PLPP3: variants seen among roughly 807,000 people sequenced by gnomAD.
PLPP3 encodes the protein PAP2 beta.
PLPP3 carries 6 observed loss-of-function variants against 29.6 expected under a neutral mutation model. The ratio of observed to expected loss-of-function variants is 0.20; its 90% CI spans 0.11 to 0.40. PLPP3 has a LOEUF of 0.40. Among genes scored for constraint, PLPP3 ranks in the 10% least tolerant of loss-of-function variants. The pLI is 1.00. For missense variants in PLPP3, 308 were observed against 407.7 expected (o/e 0.76, Z 2.11); for synonymous variants, 152 against 159.7 (o/e 0.95, Z 0.36).
chr1:56,568,215 G>GT (rs1184507393), intron 1 of PLPP3, among the ~76,000 whole-genome samples: 1 of 151,992 alleles, frequency 6.6e-6, no homozygotes, highest in African/African-American at 2.4e-5. Flanking sequence ...AAAATTGGTT[G>GT]TGGTGATAGT....
intron 2 of PLPP3, among the ~76,000 whole-genome samples, chr1:56,535,020 T>G (rs1023987619): frequency 2.6e-5 from 4 of 152,204 alleles, no homozygotes; most frequent in Non-Finnish European, 5.9e-5. Context: ...GGCTGTCACT[T>G]CACCATTTTT....
At chr1:56,520,625 A>T (rs1163450017) in intron 4 of PLPP3, among the ~76,000 whole-genome samples, 2 of 118,804 alleles carry the variant, frequency 1.7e-5, no homozygotes, top group Non-Finnish European at 3.9e-5. Context: ...ACACTTTGGG[A>T]GGCTGAGGTG....
In PLPP3 at chr1:56,495,470, T is replaced by C. The variant is rs190739990; in HGVS notation, c.*1081A>G. 7.2e-5 allele frequency: 11 copies of C among 152,812 alleles called. 1 individual carries two copies. Among genetic ancestry groups the C allele is most frequent in the African/African-American group, 2.4e-4 (10 of 41,596 alleles). The allele number at this position is 152,812 out of a possible 1,614,324, so 9.5% of individuals were successfully genotyped here. On this transcript the variant is annotated 3_prime_UTR_variant, in exon 6 of 6. Coordinates refer to ENST00000371250, the MANE Select transcript of PLPP3 (RefSeq NM_003713.5). ...GCTCAACCCCAAGACAATAGTGCTT[T>C]ACACAGCAAGAGCAACTCCTACAAA... is the stretch of plus-strand genomic sequence containing the variant.
At chr1:56,506,506 A>T (rs1437361126) in intron 5 of PLPP3, among the ~76,000 whole-genome samples, 3 of 152,180 alleles carry the variant, frequency 2.0e-5, no homozygotes, top group Non-Finnish European at 4.4e-5. Context: ...AAACCAGGAA[A>T]GACTCTGCTG....
intron 4 of PLPP3, among the ~76,000 whole-genome samples, chr1:56,514,464 C>G (rs1645767715): frequency 6.6e-6 from 1 of 152,062 alleles, no homozygotes; most frequent in Non-Finnish European, 1.5e-5. Context: ...ACAAGGAGGG[C>G]CTAGTTCACG....
At chr1:56,545,615 T>C (rs1283568220) in intron 1 of PLPP3, among the ~76,000 whole-genome samples, 2 of 152,196 alleles carry the variant, frequency 1.3e-5, no homozygotes, top group Non-Finnish European at 2.9e-5. Context: ...GTGGGAACCC[T>C]GCCATATATT....
In PLPP3 at chr1:56,579,353, AGCGAGTGGGCAGC is replaced by A; in HGVS notation, c.-350_-338del. ...TGGCGCGCGTCTGAGTGCGCGAGCG[AGCGAGTGGGCAGC>A]GCGGGCGCTCGGCCACCTTCCTCCG... On this transcript the variant is annotated 5_prime_UTR_variant, in exon 1 of 6. Coordinates refer to ENST00000371250, the MANE Select transcript of PLPP3 (RefSeq NM_003713.5). 1 of 291,676 alleles carries A rather than the reference AGCGAGTGGGCAGC, an allele frequency of 3.4e-6. No individual in the cohort carries two copies. Among genetic ancestry groups the A allele is most frequent in the Non-Finnish European group, 6.4e-6 (1 of 156,402 alleles). 18.1% of individuals were successfully genotyped at this position (291,676 alleles called of 1,614,324 possible).
Position 56,579,040 on chromosome 1 carries a change from C to G in PLPP3, c.-24G>C. 4 of 1,577,572 alleles carry G rather than the reference C, an allele frequency of 2.5e-6. No individual in the cohort carries two copies. Among genetic ancestry groups the G allele is most frequent in the Non-Finnish European group, 3.4e-6 (4 of 1,166,402 alleles). ...ATGGCGCTGGCTGCGGCGCGAGCCT[C>G]CCGCCCCGCGAAGACGTCCCGCAAC... On this transcript the variant is annotated 5_prime_UTR_variant, in exon 1 of 6. Coordinates refer to ENST00000371250, the MANE Select transcript of PLPP3 (RefSeq NM_003713.5).
At chr1:56,509,666 C>T (rs1203479353) in intron 5 of PLPP3, among the ~76,000 whole-genome samples, 2 of 151,946 alleles carry the variant, frequency 1.3e-5, no homozygotes, top group East Asian at 3.9e-4. Context: ...ACAGTGAAAC[C>T]CCATCTCTAC....
intron 2 of PLPP3, among the ~76,000 whole-genome samples, chr1:56,535,726 C>T (rs1645922292): frequency 6.6e-6 from 1 of 152,152 alleles, no homozygotes; most frequent in African/African-American, 2.4e-5. Flanking sequence ...GGAGGAGACA[C>T]ATGAACTCTA....
intron 1 of PLPP3, among the ~76,000 whole-genome samples, chr1:56,541,234 T>TA (rs1410243766): frequency 6.6e-6 from 1 of 151,904 alleles, no homozygotes; most frequent in Non-Finnish European, 1.5e-5. Flanking sequence ...AGTACAACCA[T>TA]AAAAAAATCA....
intron 5 of PLPP3, among the ~76,000 whole-genome samples, chr1:56,507,066 A>G (rs1488377297): frequency 6.6e-6 from 1 of 152,196 alleles, no homozygotes; most frequent in Non-Finnish European, 1.5e-5. Flanking sequence ...TTAGTAAGCA[A>G]TGGAGGAGGA....
chr1:56,538,475 G>A (rs1777274), intron 1 of PLPP3: 203,504 of 441,138 alleles, frequency 0.46, 48,202 homozygotes, highest in African/African-American at 0.59. Flanking sequence ...AGGGAAAGAG[G>A]AGAGGCACCC....
chr1:56,500,403 A>G (rs557222371), intron 5 of PLPP3, among the ~76,000 whole-genome samples: 1 of 152,198 alleles, frequency 6.6e-6, no homozygotes. Context: ...GGCTTCTCCT[A>G]AAGGTTGTCT....
At chr1:56,541,948 A>T in intron 1 of PLPP3, among the ~76,000 whole-genome samples, 1 of 146,328 alleles carries the variant, frequency 6.8e-6, no homozygotes. Flanking sequence ...GCATTACAAA[A>T]TTTTTGCAAA....
intron 1 of PLPP3, among the ~76,000 whole-genome samples, chr1:56,559,497 C>T (rs1358132014): frequency 6.6e-6 from 1 of 151,936 alleles, no homozygotes; most frequent in Non-Finnish European, 1.5e-5. Flanking sequence ...AGTGATCCTC[C>T]CACCTCGGCC....
Position 56,496,374 on chromosome 1 carries a change from A to G in PLPP3, c.*177T>C, listed in dbSNP as rs374263091. On this transcript the variant is annotated 3_prime_UTR_variant, in exon 6 of 6. Coordinates refer to ENST00000371250, the MANE Select transcript of PLPP3 (RefSeq NM_003713.5). ...GGTGTTAGTTTGCTGTTGTTTCCAC[A>G]TAGGCAAACACTACCTATTTTGGAA... 1 of 648,218 alleles carries G rather than the reference A, an allele frequency of 1.5e-6. No homozygotes were observed. The highest frequency in any genetic ancestry group is 2.5e-6 in the Non-Finnish European group (1 of 399,884). The allele number at this position is 648,218 out of a possible 1,614,324, so 40.2% of individuals were successfully genotyped here. A position where few individuals can be genotyped will look rare whatever the true frequency, so the allele number is the denominator to read the frequency against.
chr1:56,523,810 G>C lies in PLPP3; in HGVS notation c.633+13C>G. 6.2e-7 allele frequency: 1 copy of C among 1,611,258 alleles called. No individual in the cohort carries two copies. The highest frequency in any genetic ancestry group is 8.5e-7 in the Non-Finnish European group (1 of 1,177,534). On this transcript the variant is annotated intron_variant, in intron 4 of 5. Transcript: ENST00000371250. The stretch of plus-strand genomic sequence containing the variant: ...GAACTGAGCACTGCTCAAATCAAAG[G>C]GTGGGTACTTACCACCAAATACAGC...
At chr1:56,523,967 A>C in intron 3 of PLPP3, 87 bp from the exon 4 acceptor site, 1 of 1,462,510 alleles carries the variant, frequency 6.8e-7, no homozygotes, top group Non-Finnish European at 9.5e-7. Flanking sequence ...CTAGACTGTA[A>C]CCTTGAGAGC....
Sources: allele counts gnomAD v4.1 joint callset (sites outside exome capture counted in the v4.1 genomes callset), GRCh38; gene constraint gnomAD v4.1.1; transcripts MANE v1.5; gene names NCBI Gene and HGNC (gene_info 2026-07-23, HGNC 2026-07-21).